The following NLE1 variants were observed in gnomAD, a reference collection of about 807,000 sequenced individuals.
The protein encoded by NLE1 is notchless homolog 1.
A neutral mutation model predicts 62.8 loss-of-function variants in NLE1; 37 were observed. That is an observed-to-expected ratio of 0.59 (90% confidence interval 0.45 to 0.78). The LOEUF is 0.78. Among genes scored for constraint, NLE1 ranks in the 30% least tolerant of loss-of-function variants. NLE1 has a pLI of 0.00. For missense variants in NLE1, 555 were observed against 637.9 expected (o/e 0.87, Z 1.40); for synonymous variants, 243 against 253.0 (o/e 0.96, Z 0.37).
chr17:35,129,453 C>T lies in NLE1; in HGVS notation c.*2984G>A, dbSNP rs763875714. The T allele has an allele frequency of 9.9e-6, 16 of 1,613,914 alleles. No homozygotes were observed. Among genetic ancestry groups the T allele is most frequent in the Admixed American group, 3.3e-5 (2 of 60,006 alleles). ...TGGACCTACGCCTTGGGCAAGCAGC[C>T]GGTCAGTTTCTACCAGCTCCTGTTA... On this transcript the variant is annotated 3_prime_UTR_variant, in exon 13 of 13. Coordinates refer to ENST00000442241, the MANE Select transcript of NLE1 (RefSeq NM_018096.5).
chr17:35,136,333 C>T, intron 8 of NLE1, 29 bp downstream of exon 8: 1 of 1,609,218 alleles, frequency 6.2e-7, no homozygotes, highest in Middle Eastern at 1.7e-4. Context: ...CCCAATCAGC[C>T]CCCGCTCTTC....
rs1440173800 is a variant in NLE1, at chr17:35,132,162, C to G, written c.*275G>C. ...CATAGAGCCTGGCTGCCCACCACCCCTGTCTGTACCAGCAAGGTACAGAGT... is the reference window on the plus strand; with the variant it reads ...CATAGAGCCTGGCTGCCCACCACCCGTGTCTGTACCAGCAAGGTACAGAGT... On this transcript the variant is annotated 3_prime_UTR_variant, in exon 13 of 13. Transcript: ENST00000442241. 2 of 318,842 alleles carry G rather than the reference C, an allele frequency of 6.3e-6. No homozygotes were observed. The highest frequency in any genetic ancestry group is 1.1e-5 in the Non-Finnish European group (2 of 175,724). 19.8% of individuals were successfully genotyped at this position (318,842 alleles called of 1,614,324 possible).
Position 35,136,800 on chromosome 17 carries a change from G to A in NLE1, c.828+201C>T, listed in dbSNP as rs909617941. 5.9e-5 allele frequency among the ~76,000 whole-genome samples: 9 copies of A among 152,058 alleles called. No homozygotes were observed. In the South Asian group the frequency reaches 8.3e-4, roughly 14 times the overall value. ...ACAGGAGGAATTTCCAGAGTGTGAC[G>A]ATCTCATGGGGACTCTGCAATCTCC... On this transcript the variant is annotated intron_variant, in intron 7 of 12. Transcript: ENST00000442241.
chr17:35,134,588 C>T (rs1379924931), intron 10 of NLE1, among the ~76,000 whole-genome samples: 1 of 152,056 alleles, frequency 6.6e-6, no homozygotes, highest in Non-Finnish European at 1.5e-5. Flanking sequence ...TTAGTAGAGA[C>T]AGGGTTTTGC....
intron 4 of NLE1, among the ~76,000 whole-genome samples, chr17:35,138,882 T>C (rs988754666): frequency 9.2e-5 from 14 of 152,116 alleles, no homozygotes; most frequent in African/African-American, 3.4e-4. Flanking sequence ...ATGTCCCATA[T>C]TGACTCCTTG....
chr17:35,133,230 A>C lies in NLE1; in HGVS notation c.1386T>G (p.Val462=). 1 of 1,614,210 alleles carries C rather than the reference A, an allele frequency of 6.2e-7. No homozygotes were observed. Among genetic ancestry groups the C allele is most frequent in the Non-Finnish European group, 8.5e-7 (1 of 1,180,042 alleles). ...CTCTCTGGCCATCTGGACTCCAGTC[A>C]ACAGCATATACCTAAAGGGAGGCAG... is the stretch of plus-strand genomic sequence containing the variant. ...LPGHADEVYA[V]DWSPDGQRVA... The change falls in exon 12 of 13, where the codon GTT becomes GTG. Residue 462 remains valine, a synonymous_variant. Transcript: ENST00000442241.
At position 35,133,334 on chromosome 17, in the gene NLE1, C is replaced by T; in HGVS notation, c.1374+5G>A. 1 of 1,614,198 alleles carries T rather than the reference C, an allele frequency of 6.2e-7. No individual in the cohort carries two copies. The highest frequency in any genetic ancestry group is 8.5e-7 in the Non-Finnish European group (1 of 1,180,030). The stretch of plus-strand genomic sequence containing the variant: ...GTCCCTCCTTTGCCTGAGGGTTGGC[C>T]CTACCTCATCCGCGTGGCCGGGCAG... On this transcript the variant is annotated splice_donor_5th_base_variant and intron_variant, in intron 11 of 12. Coordinates refer to ENST00000442241, the MANE Select transcript of NLE1 (RefSeq NM_018096.5).
At chr17:35,141,009 A>G (rs2091940414) in intron 2 of NLE1, among the ~76,000 whole-genome samples, 2 of 152,246 alleles carry the variant, frequency 1.3e-5, no homozygotes, top group Non-Finnish European at 2.9e-5. Context: ...TCCTATTGCC[A>G]ATGATTAATT....
Position 35,129,177 on chromosome 17 carries a change from C to A in NLE1, c.*3260G>T, listed in dbSNP as rs998086773. 8.5e-6 allele frequency: 4 copies of A among 469,398 alleles called. No homozygotes were observed. In the East Asian group the frequency reaches 1.4e-4, roughly 17 times the overall value. 29.1% of individuals were successfully genotyped at this position (469,398 alleles called of 1,614,324 possible). ...TGGCCCAAGGGTTGAGGACCCCTGGCGTATAAGAAATATGGAATGAGGGTG... is the reference window on the plus strand; with the variant it reads ...TGGCCCAAGGGTTGAGGACCCCTGGAGTATAAGAAATATGGAATGAGGGTG... On this transcript the variant is annotated 3_prime_UTR_variant, in exon 13 of 13. Coordinates refer to ENST00000442241, the MANE Select transcript of NLE1 (RefSeq NM_018096.5).
Position 35,137,906 on chromosome 17 carries a change from A to T in NLE1, c.461-16T>A. On this transcript the variant is annotated splice_polypyrimidine_tract_variant and intron_variant, in intron 4 of 12. Transcript: ENST00000442241. ...TGTCTGTGTCCTAAGAAAGCAGAGG[A>T]GGGAGAAATAAGGGACTACATCTGT... is the stretch of plus-strand genomic sequence containing the variant. The T allele has an allele frequency of 6.2e-7, 1 of 1,602,200 alleles. No individual in the cohort carries two copies. The highest frequency in any genetic ancestry group is 8.5e-7 in the Non-Finnish European group (1 of 1,170,402).
In NLE1 at chr17:35,130,346, G is replaced by A. The variant is rs957264103; in HGVS notation, c.*2091C>T. ...AACTACCCCATCCAGATCACCGTGC[G>A]GCGCAAGGAACCCCGGCAAAAGATC... On this transcript the variant is annotated 3_prime_UTR_variant, in exon 13 of 13. Coordinates refer to ENST00000442241, the MANE Select transcript of NLE1 (RefSeq NM_018096.5). The A allele has an allele frequency of 2.0e-5, 33 of 1,614,102 alleles. 1 individual carries two copies. Among genetic ancestry groups the A allele is most frequent in the Middle Eastern group, 1.6e-4 (1 of 6,062 alleles).
chr17:35,131,747 G>A lies in NLE1; in HGVS notation c.*690C>T, dbSNP rs924385336. 1 of 152,358 alleles carries A rather than the reference G, an allele frequency of 6.6e-6. No individual in the cohort carries two copies. Among genetic ancestry groups the A allele is most frequent in the Non-Finnish European group, 1.5e-5 (1 of 68,122 alleles). The allele number at this position is 152,358 out of a possible 1,614,324, so 9.4% of individuals were successfully genotyped here. A position where few individuals can be genotyped will look rare whatever the true frequency, so the allele number is the denominator to read the frequency against. On this transcript the variant is annotated 3_prime_UTR_variant, in exon 13 of 13. Coordinates refer to ENST00000442241, the MANE Select transcript of NLE1 (RefSeq NM_018096.5). The stretch of plus-strand genomic sequence containing the variant: ...TGACCAGCAGAACTCTCTTGATGAT[G>A]AAAACCTTTCTGTGTGCTGTCCAAT...
chr17:35,128,882 T>TG lies in NLE1; in HGVS notation c.*3554dup. On this transcript the variant is annotated 3_prime_UTR_variant, in exon 13 of 13. Transcript: ENST00000442241. Reference sequence around the variant, plus strand: ...TTTCCTGCAACGAGAGGGTCCCATTTGGGGGTGATGGGAGACAATGACAGA... The same window carrying TG: ...TTTCCTGCAACGAGAGGGTCCCATTTGGGGGGTGATGGGAGACAATGACAGA... 1 of 172,566 alleles carries TG rather than the reference T, an allele frequency of 5.8e-6. No homozygotes were observed. Among genetic ancestry groups the TG allele is most frequent in the Admixed American group, 6.0e-5 (1 of 16,672 alleles). The allele number at this position is 172,566 out of a possible 1,614,324, so 10.7% of individuals were successfully genotyped here. A position where few individuals can be genotyped will look rare whatever the true frequency, so the allele number is the denominator to read the frequency against.
In NLE1 at chr17:35,142,027, G is replaced by A. The variant is rs1356387596; in HGVS notation, c.114C>T (p.Asp38=). Residue 38 remains aspartate, a synonymous_variant, in exon 2 of 13, where the codon GAC becomes GAT. Coordinates refer to ENST00000442241, the MANE Select transcript of NLE1 (RefSeq NM_018096.5). ...CGAGCTGCAGCCTGTCCGGGGTGAT[G>A]TCCACGGGCACGTCGAACGGGGAAC... The part of the protein sequence containing the change: ...LLGSPFDVPV[D]ITPDRLQLVC... The A allele has an allele frequency of 6.2e-7, 1 of 1,609,314 alleles. No individual in the cohort carries two copies. The highest frequency in any genetic ancestry group is 8.5e-7 in the Non-Finnish European group (1 of 1,178,596).
intron 10 of NLE1, 122 bp from the exon 11 acceptor site, chr17:35,133,620 A>G (rs1256822761): frequency 2.3e-6 from 2 of 881,450 alleles, no homozygotes; most frequent in Non-Finnish European, 3.4e-6. Context: ...AATACCTGGG[A>G]ACCTTTACAA....
chr17:35,137,459 G>A lies in NLE1; in HGVS notation c.635+84C>T, dbSNP rs1044615654. The A allele has an allele frequency of 7.6e-6, 9 of 1,182,010 alleles. No homozygotes were observed. In the African/African-American group the frequency reaches 9.0e-5, roughly 12 times the overall value. The allele number at this position is 1,182,010 out of a possible 1,614,324, so 73.2% of individuals were successfully genotyped here. A position where few individuals can be genotyped will look rare whatever the true frequency, so the allele number is the denominator to read the frequency against. ...CAGGCTGCCCATCTTGTCCCCTCACGTAAAACTTCTATGCATTGGGCAGGG... is the reference window on the plus strand; with the variant it reads ...CAGGCTGCCCATCTTGTCCCCTCACATAAAACTTCTATGCATTGGGCAGGG... On this transcript the variant is annotated intron_variant, in intron 6 of 12. Coordinates refer to ENST00000442241, the MANE Select transcript of NLE1 (RefSeq NM_018096.5).
chr17:35,136,377 C>A lies in NLE1; in HGVS notation c.949G>T (p.Asp317Tyr), dbSNP rs746037209. Residue 317 changes from aspartate (D) to tyrosine (Y), a missense_variant, in exon 8 of 13, where the codon GAC becomes TAC. Physicochemically the swap from Asp to Tyr is radical, Grantham distance 160. Transcript: ENST00000442241. ...AATCACTCACAGGATCCTTGGAGGT[C>A]TTGGGGATTAACTGAGGCCTCAGCA... Reference protein sequence around the residue: ...EPAEASVNPQDLQGSLQELKE... With the variant: ...EPAEASVNPQYLQGSLQELKE... 1 of 1,613,622 alleles carries A rather than the reference C, an allele frequency of 6.2e-7. No individual in the cohort carries two copies. The highest frequency in any genetic ancestry group is 8.5e-7 in the Non-Finnish European group (1 of 1,179,552).
Position 35,137,515 on chromosome 17 carries a change from T to C in NLE1, c.635+28A>G, listed in dbSNP as rs184366452. The stretch of plus-strand genomic sequence containing the variant: ...GGATGGCTTTGATCCCCTGGCTCAT[T>C]TGTCCCAGCTCCGTCAGTGTCACTT... On this transcript the variant is annotated intron_variant, in intron 6 of 12. Transcript: ENST00000442241. 4,504 of 1,575,218 alleles carry C rather than the reference T, an allele frequency of 2.9e-3. 94 individuals are homozygous for C. In the South Asian group the frequency reaches 0.034, roughly 12 times the overall value.
rs1245380013 is a variant in NLE1, at chr17:35,130,385, C to T, written c.*2052G>A. 2.5e-6 allele frequency: 4 copies of T among 1,614,118 alleles called. No homozygotes were observed. Among genetic ancestry groups the T allele is most frequent in the South Asian group, 2.2e-5 (2 of 91,086 alleles). Reference sequence around the variant, plus strand: ...CGGCAAAAGATCGTGTCCATCGGGCCGGAGGAGATGCGGAGGCTGGAGGAT... The same window carrying T: ...CGGCAAAAGATCGTGTCCATCGGGCTGGAGGAGATGCGGAGGCTGGAGGAT... On this transcript the variant is annotated 3_prime_UTR_variant, in exon 13 of 13. Transcript: ENST00000442241.
Sources: gnomAD v4.1 joint callset for allele counts (sites outside exome capture counted in the v4.1 genomes callset) on GRCh38, gnomAD v4.1.1 for gene constraint, MANE v1.5 for transcripts, NCBI Gene and HGNC (gene_info 2026-07-23, HGNC 2026-07-21) for gene names.